The following TF variants were observed in gnomAD, a reference collection of about 807,000 sequenced individuals.
TF encodes serotransferrin.
Under a neutral mutation model 82.4 loss-of-function variants are expected in TF, and 55 were observed. That is an observed-to-expected ratio of 0.67 (90% CI 0.54 to 0.84). The LOEUF is 0.84. TF is among the 40% of genes least tolerant of loss of function. TF has a pLI of 0.00. For missense variants in TF, 737 were observed against 868.4 expected (o/e 0.85, Z 1.90); for synonymous variants, 332 against 332.6 (o/e 1.00, Z 0.02).
At chr3:133,725,392 CTAGGTATTTTATTCTCT>C in the TF span, among the ~76,000 whole-genome samples, 1 of 151,998 alleles carries the variant, frequency 6.6e-6, no homozygotes, top group Non-Finnish European at 1.5e-5. Flanking sequence ...AGTTGGATTC[CTAGGTATTTTATTCTCT>C]TTGAAGCAAT....
the TF span, among the ~76,000 whole-genome samples, chr3:133,730,231 C>A: frequency 6.6e-6 from 1 of 152,182 alleles, no homozygotes; most frequent in African/African-American, 2.4e-5. Flanking sequence ...GGGCCCCTGG[C>A]TCATGAGCTT....
At chr3:133,769,736 C>T (rs1006433413) in intron 13 of TF, among the ~76,000 whole-genome samples, 10 of 152,194 alleles carry the variant, frequency 6.6e-5, no homozygotes, top group South Asian at 2.1e-4. Flanking sequence ...CCAACCCACT[C>T]GGCTCATTGA....
Position 133,784,947 on chromosome 3 carries a change from G to C in TF, c.*6327G>C, listed in dbSNP as rs1311950828. Reference sequence around the variant, plus strand: ...TAACAATACTATTTTTTAGGGAGGTGGGGGGGTCAGCCCCCCGCCTGGCCA... The same window carrying C: ...TAACAATACTATTTTTTAGGGAGGTCGGGGGGTCAGCCCCCCGCCTGGCCA... On this transcript the variant is annotated 3_prime_UTR_variant, in exon 17 of 17. Coordinates refer to ENST00000402696, the MANE Select transcript of TF (RefSeq NM_001063.4). 2.5e-5 allele frequency: 2 copies of C among 79,898 alleles called. No individual in the cohort carries two copies. The highest frequency in any genetic ancestry group is 6.8e-5 in the African/African-American group (2 of 29,386). 4.9% of individuals were successfully genotyped at this position (79,898 alleles called of 1,614,324 possible).
At chr3:133,662,366 G>C in the TF span, 1 of 152,236 alleles carries the variant, frequency 6.6e-6, no homozygotes, top group Non-Finnish European at 1.5e-5. Context: ...AGGGCACACG[G>C]CTAGTAGGTG....
At chr3:133,744,595 C>T (rs1933454885), upstream of TF, among the ~76,000 whole-genome samples, 1 of 152,176 alleles carries the variant, frequency 6.6e-6, no homozygotes, top group Non-Finnish European at 1.5e-5. Context: ...TTCCCTATGG[C>T]TCAAGCACAA....
rs1247913920 is a variant in TF at position 133,753,596 on chromosome 3, C to T, written c.218C>T (p.Ala73Val). Residue 73 changes from alanine to valine, a missense_variant and splice_region_variant, in exon 3 of 17, where the codon GCA becomes GTA. Transcript: ENST00000402696. ...SYLDCIRAIA[A>V]NEADAVTLDA... ...CAGGACTGGCCTGTTCTCTTTCAGG[C>T]AAACGAAGCGGATGCTGTGACACTG... 6.2e-7 allele frequency: 1 copy of T among 1,614,004 alleles called. No individual in the cohort carries two copies. Among genetic ancestry groups the T allele is most frequent in the East Asian group, 2.2e-5 (1 of 44,886 alleles).
At chr3:133,726,299 T>G in the TF span, among the ~76,000 whole-genome samples, 2 of 152,140 alleles carry the variant, frequency 1.3e-5, no homozygotes, top group Admixed American at 1.3e-4. Context: ...GACTTTTTTT[T>G]GTTGGTAAGC....
the TF span, among the ~76,000 whole-genome samples, chr3:133,732,022 C>A: frequency 6.6e-6 from 1 of 152,136 alleles, no homozygotes; most frequent in Non-Finnish European, 1.5e-5. Flanking sequence ...ACTTAGTGGT[C>A]AGCATCCTTG....
rs8177303 is a variant in TF, at chr3:133,775,834, C to T, written c.1872+217C>T. ...TAGTTGTGCCATCTTGGGTATGTTA[C>T]ATAACCTCTCTATGCCTCAGCTTCC... On this transcript the variant is annotated intron_variant, in intron 15 of 16. Coordinates refer to ENST00000402696, the MANE Select transcript of TF (RefSeq NM_001063.4). Among the ~76,000 whole-genome samples the T allele has an allele frequency of 3.6e-3, 542 of 152,296 alleles. 3 individuals carry two copies. Among genetic ancestry groups the T allele is most frequent in the African/African-American group, 0.012 (514 of 41,554 alleles).
Position 133,789,167 on chromosome 3 carries a change from CTAAG to C in TF, c.*10548_*10551del, listed in dbSNP as rs2107950302. 1 of 152,402 alleles carries C rather than the reference CTAAG, an allele frequency of 6.6e-6. No individual in the cohort carries two copies. The highest frequency in any genetic ancestry group is 2.4e-5 in the African/African-American group (1 of 41,586). 9.4% of individuals were successfully genotyped at this position (152,402 alleles called of 1,614,324 possible). On this transcript the variant is annotated 3_prime_UTR_variant, in exon 17 of 17. Coordinates refer to ENST00000402696, the MANE Select transcript of TF (RefSeq NM_001063.4). ...AAAGGGGATGCCCTTGGCAGCAGTT[CTAAG>C]GACTAGTACTAAGCCCTCCTTAGAA... is the stretch of plus-strand genomic sequence containing the variant.
chr3:133,692,025 G>T, the TF span, among the ~76,000 whole-genome samples: 3 of 152,212 alleles, frequency 2.0e-5, no homozygotes, highest in Admixed American at 6.5e-5. Context: ...TGCAAACTTT[G>T]CACATTTTGA....
chr3:133,737,363 G>C, the TF span, among the ~76,000 whole-genome samples: 18 of 152,098 alleles, frequency 1.2e-4, 1 homozygote, highest in Non-Finnish European at 2.6e-4. Flanking sequence ...GGAGAAAGCA[G>C]GAAAGATCTA....
upstream of TF, among the ~76,000 whole-genome samples, chr3:133,743,663 C>T (rs531108199): frequency 5.0e-4 from 76 of 152,254 alleles, no homozygotes; most frequent in African/African-American, 1.8e-3. Flanking sequence ...ATGGTAAGTG[C>T]TCAGTGAAGC....
Position 133,761,910 on chromosome 3 carries a change from A to G in TF, c.1204-2272A>G, listed in dbSNP as rs8177263. 783 of 162,844 alleles carry G rather than the reference A, an allele frequency of 4.8e-3. 5 individuals carry two copies. Among genetic ancestry groups the G allele is most frequent in the African/African-American group, 0.018 (751 of 41,874 alleles). The allele number at this position is 162,844 out of a possible 1,614,324, so 10.1% of individuals were successfully genotyped here. A position where few individuals can be genotyped will look rare whatever the true frequency, so the allele number is the denominator to read the frequency against. Reference sequence around the variant, plus strand: ...GAGAGTCCCATTAGTTTGCTGTGAAATTAAATTAAAGAACTGGGAGGAAGG... The same window carrying G: ...GAGAGTCCCATTAGTTTGCTGTGAAGTTAAATTAAAGAACTGGGAGGAAGG... On this transcript the variant is annotated intron_variant, in intron 9 of 16. Coordinates refer to ENST00000402696, the MANE Select transcript of TF (RefSeq NM_001063.4).
the TF span, among the ~76,000 whole-genome samples, chr3:133,740,292 A>G: frequency 2.6e-5 from 4 of 152,164 alleles, no homozygotes; most frequent in African/African-American, 2.4e-5. Flanking sequence ...ATGAGAATAC[A>G]TGGACACAGG....
At chr3:133,732,085 A>G in the TF span, among the ~76,000 whole-genome samples, 1 of 152,198 alleles carries the variant, frequency 6.6e-6, no homozygotes, top group East Asian at 1.9e-4. Context: ...AGCTGTGCAC[A>G]TGGGACTTAG....
At chr3:133,761,734 CTG>C (rs764233684) in intron 9 of TF, 2 of 152,230 alleles carry the variant, frequency 1.3e-5, no homozygotes, top group Non-Finnish European at 2.9e-5. Context: ...TTTCTGGAAA[CTG>C]TGAAGCTAGC....
At chr3:133,718,235 G>A in the TF span, among the ~76,000 whole-genome samples, 1 of 152,160 alleles carries the variant, frequency 6.6e-6, no homozygotes. Flanking sequence ...AGACATAAAT[G>A]TGATGAAAAG....
At chr3:133,720,060 C>T in the TF span, among the ~76,000 whole-genome samples, 2 of 151,980 alleles carry the variant, frequency 1.3e-5, no homozygotes, top group African/African-American at 2.4e-5. Context: ...ATTTGACTTC[C>T]CTCTTTCCAA....
Sources: gnomAD v4.1 joint callset for allele counts (sites outside exome capture counted in the v4.1 genomes callset) on GRCh38, gnomAD v4.1.1 for gene constraint, MANE v1.5 for transcripts, NCBI Gene and HGNC (gene_info 2026-07-23, HGNC 2026-07-21) for gene names.